Variants in RAC1 observed in about 807,000 individuals in gnomAD.
RAC1 encodes the protein ras-related C3 botulinum toxin substrate 1.
Under a neutral mutation model 25.2 loss-of-function variants are expected in RAC1, and 2 were observed. The observed-to-expected ratio is 0.08, with a 90% CI of 0.03 to 0.25. The LOEUF (loss-of-function observed/expected upper bound fraction) is 0.25, where lower values mean the gene tolerates loss of function less well. RAC1 is among the 10% of genes least tolerant of loss of function. RAC1 has a pLI of 1.00. For synonymous variants in RAC1, 88 were observed against 94.0 expected, an observed-to-expected ratio of 0.94 and a Z score of 0.37; for missense variants, 50 against 235.7, an observed-to-expected ratio of 0.21 and a Z score of 5.16.
intron 4 of RAC1, 129 bp from the exon 5 acceptor site, chr7:6,401,739 T>C: frequency 1.1e-6 from 1 of 917,168 alleles, no homozygotes; most frequent in South Asian, 1.7e-5. Context: ...GGGAACCACC[T>C]GAAGCCTCCG....
Position 6,383,784 on chromosome 7 carries a change from C to CTTTT in RAC1, c.36-3396_36-3393dup, listed in dbSNP as rs34847745. Among the ~76,000 whole-genome samples the CTTTT allele has an allele frequency of 8.9e-3, 354 of 39,796 alleles. 34 individuals carry two copies. Among genetic ancestry groups the CTTTT allele is most frequent in the Middle Eastern group, 0.05 (2 of 40 alleles). 26.1% of individuals were successfully genotyped at this position (39,796 alleles called of 152,430 possible). On this transcript the variant is annotated intron_variant, in intron 1 of 5. Transcript: ENST00000348035. ...GTTAAGGTTTTTACACAACCTTTAT[C>CTTTT]TTTTTTTTTTTTTTTTTTTTTTTTT...
At chr7:6,383,274 G>C (rs114924684) in intron 1 of RAC1, among the ~76,000 whole-genome samples, 70 of 152,350 alleles carry the variant, frequency 4.6e-4, no homozygotes, top group African/African-American at 1.5e-3. Context: ...TTGGTTTGTG[G>C]AAGCGCAGCG....
intron 3 of RAC1, among the ~76,000 whole-genome samples, chr7:6,399,627 A>G (rs1783342220): frequency 6.6e-6 from 1 of 152,186 alleles, no homozygotes; most frequent in Non-Finnish European, 1.5e-5. Context: ...CTTACACACT[A>G]AGTCCTCCTT....
At chr7:6,397,059 A>G (rs1488371703) in intron 3 of RAC1, among the ~76,000 whole-genome samples, 1 of 137,278 alleles carries the variant, frequency 7.3e-6, no homozygotes, top group Non-Finnish European at 1.6e-5. Flanking sequence ...AAAAAAGAAA[A>G]GAAACCCCGT....
At chr7:6,389,855 C>T (rs1783037219) in intron 2 of RAC1, among the ~76,000 whole-genome samples, 1 of 152,062 alleles carries the variant, frequency 6.6e-6, no homozygotes, top group African/African-American at 2.4e-5. Context: ...CATTTTTAGT[C>T]TCTTGTGAAT....
chr7:6,380,905 G>T (rs1303844869), intron 1 of RAC1, among the ~76,000 whole-genome samples: 4 of 152,204 alleles, frequency 2.6e-5, no homozygotes, highest in Admixed American at 1.3e-4. Context: ...GTCTTGCTCT[G>T]TTGCCCAGGC....
At chr7:6,395,267 G>T (rs1235034014) in intron 3 of RAC1, among the ~76,000 whole-genome samples, 1 of 152,172 alleles carries the variant, frequency 6.6e-6, no homozygotes, top group East Asian at 1.9e-4. Context: ...CGCCTGGCCA[G>T]TGCTAGAGGT....
At chr7:6,400,616 GCAT>G (rs1231864148) in intron 4 of RAC1, among the ~76,000 whole-genome samples, 2 of 152,162 alleles carry the variant, frequency 1.3e-5, no homozygotes, top group African/African-American at 4.8e-5. Flanking sequence ...GTGAGCCACT[GCAT>G]CTGGCCCATC....
chr7:6,385,187 C>G (rs546346072), intron 1 of RAC1, among the ~76,000 whole-genome samples: 4 of 152,300 alleles, frequency 2.6e-5, no homozygotes, highest in South Asian at 2.1e-4. Flanking sequence ...ACAGTTATCA[C>G]ACGCATAATT....
At chr7:6,398,523 T>C (rs894216665) in intron 3 of RAC1, 1 of 670,976 alleles carries the variant, frequency 1.5e-6, no homozygotes, top group Non-Finnish European at 2.6e-6. Flanking sequence ...ATCGAAGATA[T>C]GTTAGAATCT....
intron 1 of RAC1, among the ~76,000 whole-genome samples, chr7:6,377,572 G>T (rs34444443): frequency 0.09 from 13,642 of 152,120 alleles, 1,024 homozygotes; most frequent in African/African-American, 0.2. Context: ...TCCAGCCCGT[G>T]CGACAGAGTG....
chr7:6,387,417 A>AC, intron 2 of RAC1, 134 bp downstream of exon 2: 1 of 669,986 alleles, frequency 1.5e-6, no homozygotes. Flanking sequence ...ATTCACTGAA[A>AC]CCTAATTATA....
chr7:6,389,076 C>T (rs1181707005), intron 2 of RAC1, among the ~76,000 whole-genome samples: 2 of 151,980 alleles, frequency 1.3e-5, no homozygotes, highest in Non-Finnish European at 2.9e-5. Context: ...GTGGTGCACT[C>T]CTGTAGTCCC....
At chr7:6,401,819 A>C (rs1783411524) in intron 4 of RAC1, 49 bp from the exon 5 acceptor site, 1 of 1,562,614 alleles carries the variant, frequency 6.4e-7, no homozygotes, top group Non-Finnish European at 8.7e-7. Context: ...TAGGTGAAGG[A>C]CATCTGTAAA....
chr7:6,401,608 C>T (rs1432271479), intron 4 of RAC1: 3 of 280,948 alleles, frequency 1.1e-5, no homozygotes, highest in Non-Finnish European at 2.0e-5. Context: ...TCCCCCCTTC[C>T]CCTGCGGTTG....
intron 3 of RAC1, among the ~76,000 whole-genome samples, 164 bp downstream of exon 3, chr7:6,392,205 C>G (rs181690527): frequency 2.8e-4 from 43 of 152,184 alleles, no homozygotes; most frequent in Non-Finnish European, 5.4e-4. Context: ...CCCCTAGATG[C>G]AAGCCCAGGG....
intron 2 of RAC1, among the ~76,000 whole-genome samples, chr7:6,390,757 C>A (rs934073412): frequency 9.9e-5 from 15 of 151,888 alleles, no homozygotes; most frequent in Non-Finnish European, 8.8e-5. Context: ...TCATTTAGGA[C>A]TTATTTTTGG....
At chr7:6,377,552 G>T (rs1181409013) in intron 1 of RAC1, among the ~76,000 whole-genome samples, 1 of 151,992 alleles carries the variant, frequency 6.6e-6, no homozygotes, top group East Asian at 1.9e-4. Flanking sequence ...CTGAGATTGT[G>T]CCATTGCACT....
chr7:6,402,142 C>T, intron 5 of RAC1, 115 bp downstream of exon 5: 1 of 1,438,076 alleles, frequency 7.0e-7, no homozygotes, highest in Non-Finnish European at 9.4e-7. Context: ...CTGGTGTACT[C>T]TTGGGGAACC....
Sources: allele counts gnomAD v4.1 joint callset (sites outside exome capture counted in the v4.1 genomes callset), GRCh38; gene constraint gnomAD v4.1.1; transcripts MANE v1.5; gene names NCBI Gene and HGNC (gene_info 2026-07-23, HGNC 2026-07-21).